The following PRKN variants were observed in gnomAD, a reference collection of about 807,000 sequenced individuals.
PRKN encodes E3 ubiquitin-protein ligase parkin.
In PRKN, 56 loss-of-function variants were observed where a neutral mutation model predicts 59.5. That is an observed-to-expected ratio of 0.94 (90% CI 0.76 to 1.18). The LOEUF is 1.18. Among genes scored for constraint, PRKN ranks in the 50% most tolerant of loss-of-function variants. The pLI is 0.00. For missense variants in PRKN, 657 were observed against 596.4 expected (o/e 1.10, Z -1.06); for synonymous variants, 250 against 222.1 (o/e 1.13, Z -1.12).
intron 7 of PRKN, among the ~76,000 whole-genome samples, chr6:161,761,272 T>G (rs1789189860): frequency 6.6e-6 from 1 of 152,214 alleles, no homozygotes; most frequent in African/African-American, 2.4e-5. Context: ...TACGTCTTTT[T>G]GCTTTGTATT....
At chr6:161,425,541 C>T (rs1307072843) in intron 9 of PRKN, among the ~76,000 whole-genome samples, 2 of 152,084 alleles carry the variant, frequency 1.3e-5, no homozygotes, top group Non-Finnish European at 1.5e-5. Flanking sequence ...TCAAATGTCT[C>T]AGTTGTCCTT....
rs1243797405 is a variant in PRKN at position 162,021,143 on chromosome 6, TA to T, written c.618+32947del. Among the ~76,000 whole-genome samples the T allele has an allele frequency of 1.9e-4, 2 of 10,790 alleles. 1 individual carries two copies. Among genetic ancestry groups the T allele is most frequent in the Non-Finnish European group, 3.4e-4 (2 of 5,908 alleles). The allele number at this position is 10,790 out of a possible 152,430, so 7.1% of individuals were successfully genotyped here. A position where few individuals can be genotyped will look rare whatever the true frequency, so the allele number is the denominator to read the frequency against. ...ACATATATATATATATATATATATA[TA>T]TATATATATATATATATATATAAAA... is the stretch of plus-strand genomic sequence containing the variant. On this transcript the variant is annotated intron_variant, in intron 5 of 11. Coordinates refer to ENST00000366898, the MANE Select transcript of PRKN (RefSeq NM_004562.3).
intron 1 of PRKN, among the ~76,000 whole-genome samples, chr6:162,658,733 C>T (rs375366457): frequency 7.3e-5 from 11 of 150,416 alleles, no homozygotes; most frequent in East Asian, 5.9e-4. Context: ...AAGAAATAGC[C>T]TGAAGATCTG....
At chr6:161,939,923 A>C (rs1779496650) in intron 6 of PRKN, among the ~76,000 whole-genome samples, 1 of 151,164 alleles carries the variant, frequency 6.6e-6, no homozygotes, top group African/African-American at 2.4e-5. Flanking sequence ...TTTGAGACAG[A>C]GTTTCGCTCT....
rs539575500 is a variant in PRKN, at chr6:162,153,113, A to T, written c.534+48018T>A. Among the ~76,000 whole-genome samples the T allele has an allele frequency of 5.9e-5, 9 of 152,348 alleles. No individual in the cohort carries two copies. The East Asian group carries it at 1.4e-3, about 23-fold the overall frequency. On this transcript the variant is annotated intron_variant, in intron 4 of 11. Coordinates refer to ENST00000366898, the MANE Select transcript of PRKN (RefSeq NM_004562.3). ...GGCTAGAAAATAGTATTGATGCAGGATATTTTCTTGACCCCTTCACAGGAC... is the reference window on the plus strand; with the variant it reads ...GGCTAGAAAATAGTATTGATGCAGGTTATTTTCTTGACCCCTTCACAGGAC...
At chr6:162,592,781 T>C (rs947450545) in intron 1 of PRKN, among the ~76,000 whole-genome samples, 2 of 150,564 alleles carry the variant, frequency 1.3e-5, no homozygotes, top group African/African-American at 2.4e-5. Context: ...ATCAAAAGAG[T>C]GGGACATAGA....
At position 161,457,523 on chromosome 6, in the gene PRKN, G is replaced by A. The variant is rs992127355; in HGVS notation, c.1084-70646C>T. On this transcript the variant is annotated intron_variant, in intron 9 of 11. Coordinates refer to ENST00000366898, the MANE Select transcript of PRKN (RefSeq NM_004562.3). The surrounding 1 kb of genome is among the most constrained non-coding windows in gnomAD (Gnocchi z 5.0). ...AAATTCATGTTTATATTTATGTACA[G>A]TGCCTAGAACAATGATAAGACATGA... Among the ~76,000 whole-genome samples the A allele has an allele frequency of 3.3e-5, 5 of 152,194 alleles. No homozygotes were observed. Among genetic ancestry groups the A allele is most frequent in the African/African-American group, 1.2e-4 (5 of 41,444 alleles).
rs1328366488 is a variant in PRKN at position 162,673,316 on chromosome 6, G to A, written c.7+54346C>T. ...ACACGGTCAACAAGTACTTAACGGA[G>A]TGAAAATAAAAAGTTAACTAAGGAT... On this transcript the variant is annotated intron_variant, in intron 1 of 11. Coordinates refer to ENST00000366898, the MANE Select transcript of PRKN (RefSeq NM_004562.3). Among the ~76,000 whole-genome samples the A allele has an allele frequency of 3.9e-5, 6 of 152,086 alleles. No individual in the cohort carries two copies. The South Asian group carries it at 1.2e-3, about 32-fold the overall frequency.
intron 1 of PRKN, among the ~76,000 whole-genome samples, chr6:162,620,572 C>T (rs996748626): frequency 2.0e-5 from 3 of 152,150 alleles, no homozygotes; most frequent in African/African-American, 7.2e-5. Context: ...AAGTTTCAGG[C>T]CTTCATGTAT....
chr6:161,736,609 GA>G (rs1239344685), intron 7 of PRKN, among the ~76,000 whole-genome samples: 14 of 152,186 alleles, frequency 9.2e-5, no homozygotes. Context: ...AGGATTGTTG[GA>G]AGGAAGAAGC....
At chr6:162,279,887 T>G (rs1261038152) in intron 2 of PRKN, among the ~76,000 whole-genome samples, 1 of 152,214 alleles carries the variant, frequency 6.6e-6, no homozygotes. Flanking sequence ...TTAGGATAGT[T>G]AGCTCTTCTT....
At chr6:161,972,011 C>T (rs888064484) in intron 6 of PRKN, among the ~76,000 whole-genome samples, 2 of 152,186 alleles carry the variant, frequency 1.3e-5, no homozygotes, top group African/African-American at 4.8e-5. Flanking sequence ...CGGCAGCTCA[C>T]GCCTGTAATC....
chr6:161,415,656 C>G (rs1484924400), intron 9 of PRKN, among the ~76,000 whole-genome samples: 1 of 149,352 alleles, frequency 6.7e-6, no homozygotes, highest in Non-Finnish European at 1.5e-5. Flanking sequence ...CAGCCACCTC[C>G]TGCCCTGGTT....
At chr6:162,548,401 T>C (rs1156477890) in intron 1 of PRKN, among the ~76,000 whole-genome samples, 3 of 152,082 alleles carry the variant, frequency 2.0e-5, no homozygotes, top group African/African-American at 4.8e-5. Flanking sequence ...TGTGAATGCA[T>C]ACTTAGGTTT....
intron 1 of PRKN, among the ~76,000 whole-genome samples, chr6:162,444,286 G>A (rs1044645563): frequency 1.3e-5 from 2 of 151,708 alleles, no homozygotes; most frequent in Non-Finnish European, 2.9e-5. Context: ...CTTGATCCAC[G>A]CCATCACCTC....
chr6:162,363,010 C>CA (rs1308652627), intron 2 of PRKN, among the ~76,000 whole-genome samples: 1 of 151,064 alleles, frequency 6.6e-6, no homozygotes, highest in Non-Finnish European at 1.5e-5. Context: ...CGCCTGTAGT[C>CA]ACAGCTACTC....
chr6:161,358,201 T>G (rs899860497), intron 11 of PRKN, among the ~76,000 whole-genome samples: 1 of 152,182 alleles, frequency 6.6e-6, no homozygotes, highest in Non-Finnish European at 1.5e-5. Context: ...GTAGAATTAT[T>G]GGGTCAAATA....
At chr6:162,357,459 G>T (rs1259408792) in intron 2 of PRKN, among the ~76,000 whole-genome samples, 1 of 152,206 alleles carries the variant, frequency 6.6e-6, no homozygotes, top group East Asian at 1.9e-4. Context: ...CCACCTAGTT[G>T]ATGGCTAAAA....
At chr6:161,857,519 T>C (rs1389226468) in intron 6 of PRKN, among the ~76,000 whole-genome samples, 3 of 152,212 alleles carry the variant, frequency 2.0e-5, no homozygotes, top group African/African-American at 4.8e-5. Context: ...AAATCAATAC[T>C]ATATTTTTTA....
Sources: allele counts gnomAD v4.1 joint callset (sites outside exome capture counted in the v4.1 genomes callset), GRCh38; gene constraint gnomAD v4.1.1; non-coding constraint Gnocchi (gnomAD v3.1); transcripts MANE v1.5; gene names NCBI Gene and HGNC (gene_info 2026-07-23, HGNC 2026-07-21).